TSFM: variants seen among roughly 807,000 people sequenced by gnomAD.
The protein encoded by TSFM is elongation factor Ts, mitochondrial.
Under a neutral mutation model 33.4 loss-of-function variants are expected in TSFM, and 29 were observed. That is an observed-to-expected ratio of 0.87 (90% CI 0.65 to 1.18). TSFM has a LOEUF of 1.18. Ranked by LOEUF, TSFM falls within the 50% of genes most tolerant of loss-of-function variation. The pLI is 0.00. For missense variants in TSFM, 394 were observed against 395.6 expected (o/e 1.00, Z 0.04); for synonymous variants, 178 against 163.5 (o/e 1.09, Z -0.68).
intron 2 of TSFM, chr12:57,783,779 T>TTTTTTA (rs1955549151): frequency 1.9e-6 from 1 of 536,386 alleles, no homozygotes; most frequent in Non-Finnish European, 3.3e-6. Flanking sequence ...TTATTTTTTA[T>TTTTTTA]TTTTTTTTGT....
At chr12:57,791,932 T>C in intron 4 of TSFM, 1 of 378,782 alleles carries the variant, frequency 2.6e-6, no homozygotes, top group South Asian at 2.0e-5. Context: ...CTCTAACATT[T>C]TATGATTTTA....
chr12:57,784,205 A>G, intron 2 of TSFM: 2 of 693,644 alleles, frequency 2.9e-6, no homozygotes, highest in South Asian at 1.5e-5. Context: ...GAAAAAGTAC[A>G]GTAAATAGGC....
At chr12:57,787,218 T>C in intron 4 of TSFM, 56 bp downstream of exon 4, 1 of 1,504,168 alleles carries the variant, frequency 6.6e-7, no homozygotes, top group East Asian at 2.5e-5. Flanking sequence ...TTGGGTCTTT[T>C]GCTGTTCCTA....
chr12:57,798,689 T>C (rs1056044012), downstream of TSFM, among the ~76,000 whole-genome samples: 1 of 151,732 alleles, frequency 6.6e-6, no homozygotes, highest in African/African-American at 2.4e-5. Context: ...CAATCTCGGC[T>C]CACTGCAACC....
At chr12:57,788,774 A>G (rs1955623430) in intron 4 of TSFM, among the ~76,000 whole-genome samples, 1 of 152,062 alleles carries the variant, frequency 6.6e-6, no homozygotes, top group Non-Finnish European at 1.5e-5. Flanking sequence ...AGCTGGGACT[A>G]CATGTGCACA....
At position 57,796,892 on chromosome 12, in the gene TSFM, T is replaced by G. The variant is rs1051050235; in HGVS notation, c.*309T>G. Reference sequence around the variant, plus strand: ...AAATTTCTAACTTATATGTTCTGTCTTACACCTTTTATGACATAGAACTCT... The same window carrying G: ...AAATTTCTAACTTATATGTTCTGTCGTACACCTTTTATGACATAGAACTCT... On this transcript the variant is annotated 3_prime_UTR_variant, in exon 6 of 6. Transcript: ENST00000652027. The G allele has an allele frequency of 6.2e-5, 64 of 1,026,976 alleles. No individual in the cohort carries two copies. The highest frequency in any genetic ancestry group is 7.2e-5 in the Non-Finnish European group (62 of 858,390). 63.6% of individuals were successfully genotyped at this position (1,026,976 alleles called of 1,614,324 possible).
At chr12:57,794,365 C>T (rs1955702855) in intron 5 of TSFM, among the ~76,000 whole-genome samples, 1 of 152,190 alleles carries the variant, frequency 6.6e-6, no homozygotes, top group Admixed American at 6.5e-5. Flanking sequence ...CCCTTTTTAC[C>T]TTTTGGCTTA....
Position 57,783,164 on chromosome 12 carries a change from C to A in TSFM, c.112C>A (p.Pro38Thr), listed in dbSNP as rs368889346. ...PQPRHTFYAG[P>T]RLSASASSKE... is the part of the protein sequence containing the mutation. The stretch of plus-strand genomic sequence containing the variant: ...GCCAAGGCACACATTTTATGCTGGG[C>A]CCCGTCTGTCTGCCTCGGCCTCCAG... Residue 38 changes from proline (P) to threonine (T), a missense_variant, in exon 2 of 6, where the codon CCC (proline) becomes ACC (threonine). Physicochemically the swap from Pro to Thr is conservative, Grantham distance 38. This residue lies in a region of TSFM where 208 missense variants were observed against 180.4 expected (regional missense o/e 1.15). Transcript: ENST00000652027. 9.3e-6 allele frequency: 15 copies of A among 1,613,122 alleles called. No individual in the cohort carries two copies. The highest frequency in any genetic ancestry group is 1.0e-5 in the Non-Finnish European group (12 of 1,179,896).
At chr12:57,795,602 A>T (rs576618242) in intron 5 of TSFM, among the ~76,000 whole-genome samples, 1 of 152,152 alleles carries the variant, frequency 6.6e-6, no homozygotes, top group Admixed American at 6.5e-5. Context: ...CAACCTATAC[A>T]ACCTATGTTT....
At chr12:57,792,881 C>G (rs1244358882) in intron 4 of TSFM, 105 bp from the exon 5 acceptor site, 1 of 1,147,210 alleles carries the variant, frequency 8.7e-7, no homozygotes, top group Non-Finnish European at 1.3e-6. Context: ...CGTGAGCCAC[C>G]ACGCCTGGCC....
At chr12:57,791,979 G>A (rs187178639) in intron 4 of TSFM, 13 of 363,258 alleles carry the variant, frequency 3.6e-5, no homozygotes, top group South Asian at 1.4e-4. Context: ...AGTGGCTCAC[G>A]CCTGTAAACC....
intron 4 of TSFM, 130 bp downstream of exon 4, chr12:57,787,292 A>C: frequency 1.0e-6 from 1 of 987,494 alleles, no homozygotes; most frequent in Non-Finnish European, 1.4e-6. Flanking sequence ...ATCTCTTTGC[A>C]TAGAATTACC....
chr12:57,802,301 A>G (rs1397868743), downstream of TSFM: 1 of 1,613,484 alleles, frequency 6.2e-7, no homozygotes, highest in Non-Finnish European at 8.5e-7. Context: ...TGGCAAGGGC[A>G]CTCTCCTTCT....
chr12:57,801,700 A>G (rs1955851668), downstream of TSFM, among the ~76,000 whole-genome samples: 1 of 152,162 alleles, frequency 6.6e-6, no homozygotes, highest in Non-Finnish European at 1.5e-5. Flanking sequence ...AGATTGTGCC[A>G]TTACACTCCA....
At chr12:57,785,313 A>G (rs1273692496) in intron 2 of TSFM, among the ~76,000 whole-genome samples, 11 of 152,212 alleles carry the variant, frequency 7.2e-5, no homozygotes, top group Admixed American at 5.9e-4. Context: ...GAGTGGCATC[A>G]TCATTAACAC....
At chr12:57,793,593 A>G (rs1955693772) in intron 5 of TSFM, among the ~76,000 whole-genome samples, 1 of 152,214 alleles carries the variant, frequency 6.6e-6, no homozygotes, top group Admixed American at 6.5e-5. Context: ...CAATTGTTAT[A>G]TCTAGGGAAA....
At chr12:57,784,145 A>G in intron 2 of TSFM, 1 of 702,440 alleles carries the variant, frequency 1.4e-6, no homozygotes, top group Non-Finnish European at 2.6e-6. Context: ...ACTGGACTGA[A>G]TACTGTAGGC....
At position 57,787,180 on chromosome 12, in the gene TSFM, C is replaced by A. The variant is rs368386120; in HGVS notation, c.483+18C>A. 22 of 1,552,230 alleles carry A rather than the reference C, an allele frequency of 1.4e-5. No homozygotes were observed. Among genetic ancestry groups the A allele is most frequent in the Non-Finnish European group, 1.9e-5 (22 of 1,147,082 alleles). On this transcript the variant is annotated intron_variant, in intron 4 of 5. Transcript: ENST00000652027. ...ACAGTAAAGTAAGTTTGGGATTTGT[C>A]TCCAGTGTGCTGAATTTGCTGTCCT...
In TSFM at chr12:57,787,059, T is replaced by C; in HGVS notation, c.380T>C (p.Phe127Ser). The C allele has an allele frequency of 3.7e-6, 6 of 1,613,626 alleles. No individual in the cohort carries two copies. The highest frequency in any genetic ancestry group is 5.1e-6 in the Non-Finnish European group (6 of 1,179,712). Residue 127 changes from phenylalanine (F) to serine (S), a missense_variant, in exon 4 of 6, where the codon TTT (phenylalanine) becomes TCT (serine). Transcript: ENST00000652027. ...VLVEVNCETD[F>S]VSRNLKFQLL... is the part of the protein sequence containing the mutation. ...CCACAGGTAAACTGTGAGACAGATTTTGTTTCTAGAAATTTAAAATTTCAA... is the reference window on the plus strand; with the variant it reads ...CCACAGGTAAACTGTGAGACAGATTCTGTTTCTAGAAATTTAAAATTTCAA...
Sources: gnomAD v4.1 joint callset for allele counts (sites outside exome capture counted in the v4.1 genomes callset) on GRCh38, gnomAD v4.1.1 for gene constraint, gnomAD v4.1.1 regional missense constraint, MANE v1.5 for transcripts, NCBI Gene and HGNC (gene_info 2026-07-23, HGNC 2026-07-21) for gene names.